EPB41L1: variants seen among roughly 807,000 people sequenced by gnomAD.
EPB41L1 encodes the protein band 4.1-like protein 1.
In EPB41L1, 29 loss-of-function variants were observed where a neutral mutation model predicts 97.8. That is an observed-to-expected ratio of 0.30 (90% CI 0.22 to 0.40). The LOEUF is 0.40. EPB41L1 is among the 10% of genes least tolerant of loss of function. The pLI is 1.00. For synonymous variants in EPB41L1, 383 were observed against 459.2 expected (o/e 0.83, Z 2.12); for missense variants, 812 against 1,162.3 (o/e 0.70, Z 4.38).
chr20:36,154,856 C>T lies in EPB41L1; in HGVS notation c.-55C>T. 4.0e-6 allele frequency: 4 copies of T among 1,009,152 alleles called. No individual in the cohort carries two copies. Among genetic ancestry groups the T allele is most frequent in the Non-Finnish European group, 4.7e-6 (4 of 844,444 alleles). 62.5% of individuals were successfully genotyped at this position (1,009,152 alleles called of 1,614,324 possible). A position where few individuals can be genotyped will look rare whatever the true frequency, so the allele number is the denominator to read the frequency against. ...CTGCCAGAGGAGCCGAGGGGGCCGCCCCTCGCCCAACCTGCCCGACATGGG... is the reference window on the plus strand; with the variant it reads ...CTGCCAGAGGAGCCGAGGGGGCCGCTCCTCGCCCAACCTGCCCGACATGGG... On this transcript the variant is annotated 5_prime_UTR_variant, in exon 1 of 22. Transcript: ENST00000338074. The surrounding 1 kb of genome is among the most constrained non-coding windows in gnomAD (Gnocchi z 5.5).
intron 2 of EPB41L1, among the ~76,000 whole-genome samples, chr20:36,136,561 C>T (rs2059423888): frequency 6.6e-6 from 1 of 151,444 alleles, no homozygotes; most frequent in African/African-American, 2.4e-5. Flanking sequence ...CTACCACCAT[C>T]TTCAGAACTT....
At chr20:36,137,500 C>T (rs541190128) in intron 2 of EPB41L1, among the ~76,000 whole-genome samples, 24 of 152,222 alleles carry the variant, frequency 1.6e-4, no homozygotes, top group Admixed American at 7.8e-4. Context: ...AGATTATAGG[C>T]ATGAGTCACC....
chr20:36,193,235 T>A (rs1397191142), intron 11 of EPB41L1, among the ~76,000 whole-genome samples: 2 of 152,172 alleles, frequency 1.3e-5, no homozygotes, highest in Non-Finnish European at 2.9e-5. Context: ...CTGTCCCAAC[T>A]CACCAAAAGG....
intron 1 of EPB41L1, among the ~76,000 whole-genome samples, chr20:36,159,753 T>G (rs1290589842): frequency 4.6e-5 from 7 of 152,242 alleles, no homozygotes; most frequent in Non-Finnish European, 8.8e-5. Context: ...AACCACTCAC[T>G]ATCTTCGAGG....
At chr20:36,110,347 G>T (rs2058350560) in intron 1 of EPB41L1, among the ~76,000 whole-genome samples, 1 of 152,176 alleles carries the variant, frequency 6.6e-6, no homozygotes, top group South Asian at 2.1e-4. Flanking sequence ...CACATAGCAA[G>T]TTGGTGGCCA....
At chr20:36,118,061 A>T (rs1332059596) in intron 2 of EPB41L1, among the ~76,000 whole-genome samples, 3 of 152,198 alleles carry the variant, frequency 2.0e-5, no homozygotes, top group African/African-American at 7.2e-5. Flanking sequence ...CTTGCTGCTG[A>T]GGGAATAGAC....
chr20:36,136,466 C>T (rs2059420578), intron 2 of EPB41L1, among the ~76,000 whole-genome samples: 1 of 151,428 alleles, frequency 6.6e-6, no homozygotes, highest in Non-Finnish European at 1.5e-5. Context: ...AGGTGTGAGT[C>T]ACCATGCCTG....
In EPB41L1 at chr20:36,182,357, G is replaced by A. The variant is rs754252200; in HGVS notation, c.566+10G>A. On this transcript the variant is annotated intron_variant, in intron 6 of 21. Transcript: ENST00000338074. ...CAGAAGACATCACAAGGTGAGGGCT[G>A]TGGAGGGAGAGACAGGTGTGCTGGC... is the stretch of plus-strand genomic sequence containing the variant. The A allele has an allele frequency of 6.2e-7, 1 of 1,613,928 alleles. No individual in the cohort carries two copies.
chr20:36,149,383 G>A (rs1366603555), intron 2 of EPB41L1, among the ~76,000 whole-genome samples: 1 of 152,242 alleles, frequency 6.6e-6, no homozygotes, highest in Admixed American at 6.5e-5. Flanking sequence ...ACTAGAATAA[G>A]GCTTAACGCA....
Position 36,154,767 on chromosome 20 carries a change from G to A in EPB41L1, c.-144G>A. The A allele has an allele frequency of 1.0e-6, 1 of 986,622 alleles. No individual in the cohort carries two copies. Among genetic ancestry groups the A allele is most frequent in the South Asian group, 4.5e-5 (1 of 22,154 alleles). 61.1% of individuals were successfully genotyped at this position (986,622 alleles called of 1,614,324 possible). A position where few individuals can be genotyped will look rare whatever the true frequency, so the allele number is the denominator to read the frequency against. On this transcript the variant is annotated 5_prime_UTR_variant, in exon 1 of 22. Transcript: ENST00000338074. The surrounding 1 kb of genome is among the most constrained non-coding windows in gnomAD (Gnocchi z 5.5). Reference sequence around the variant, plus strand: ...TCGGCATCCATCAGCGGGCGGGGGTGTCGCCGAACAGGCTGCTCCGCAGAG... The same window carrying A: ...TCGGCATCCATCAGCGGGCGGGGGTATCGCCGAACAGGCTGCTCCGCAGAG...
rs59767618 is a variant in EPB41L1 at position 36,096,029 on chromosome 20, G to GA, written c.-65+4431dup. Among the ~76,000 whole-genome samples the GA allele has an allele frequency of 5.3e-3, 723 of 137,630 alleles. 6 individuals are homozygous for GA. The highest frequency in any genetic ancestry group is 8.8e-3 in the South Asian group (38 of 4,338). The allele number at this position is 137,630 out of a possible 152,430, so 90.3% of individuals were successfully genotyped here. ...TGACAGAGCGAGACTCCATCTCAGGGAAAAAAAAAAAAAAGAAATGCAATT... is the reference window on the plus strand; with the variant it reads ...TGACAGAGCGAGACTCCATCTCAGGGAAAAAAAAAAAAAAAGAAATGCAATT... On this transcript the variant is annotated intron_variant, in intron 1 of 19. Transcript: ENST00000202028.
Position 36,194,219 on chromosome 20 carries a change from C to T in EPB41L1, c.1308C>T (p.Phe436=), listed in dbSNP as rs2062083453. The T allele has an allele frequency of 6.2e-7, 1 of 1,613,636 alleles. No homozygotes were observed. ...TMSRSLDGAE[F]SRPASVSENH... ...TATCTCCACCCACTTCAGCAGAGTT[C>T]TCCCGCCCAGCCTCGGTCAGCGAGA... is the stretch of plus-strand genomic sequence containing the variant. Residue 436 remains phenylalanine (F), a synonymous_variant, in exon 12 of 22, where the codon TTC becomes TTT. Coordinates refer to ENST00000338074, the MANE Select transcript of EPB41L1 (RefSeq NM_012156.2).
chr20:36,176,379 C>T (rs117171179), intron 3 of EPB41L1, among the ~76,000 whole-genome samples: 6 of 152,338 alleles, frequency 3.9e-5, no homozygotes, highest in East Asian at 3.9e-4. Context: ...TCTGAGCTCT[C>T]GCTCGCCCCC....
At position 36,212,861 on chromosome 20, in the gene EPB41L1, A is replaced by G. The variant is rs2063211949; in HGVS notation, c.2184+485A>G. On this transcript the variant is annotated intron_variant, in intron 16 of 21. Coordinates refer to ENST00000338074, the MANE Select transcript of EPB41L1 (RefSeq NM_012156.2). This position sits in a 1 kb window ranked among gnomAD's most constrained non-coding sequence, Gnocchi z 4.8. ...CCACATCAGATCAGTAAAATGAACA[A>G]AGTGAAAGAAGAAAACCGAAGATCA... is the stretch of plus-strand genomic sequence containing the variant. Among the ~76,000 whole-genome samples, 1 of 152,230 alleles carries G rather than the reference A, an allele frequency of 6.6e-6. No homozygotes were observed. Among genetic ancestry groups the G allele is most frequent in the South Asian group, 2.1e-4 (1 of 4,834 alleles).
At chr20:36,119,146 G>A (rs1054246816) in intron 2 of EPB41L1, among the ~76,000 whole-genome samples, 3 of 152,220 alleles carry the variant, frequency 2.0e-5, no homozygotes, top group African/African-American at 7.2e-5. Context: ...GCACTGACAT[G>A]ACTAATCACA....
intron 1 of EPB41L1, among the ~76,000 whole-genome samples, chr20:36,160,401 T>C (rs2060480317): frequency 6.6e-6 from 1 of 152,094 alleles, no homozygotes; most frequent in South Asian, 2.1e-4. Context: ...CTGGCCAACA[T>C]GGTGAAACCC....
intron 1 of EPB41L1, among the ~76,000 whole-genome samples, chr20:36,110,345 A>G (rs1490427370): frequency 6.6e-6 from 1 of 152,162 alleles, no homozygotes; most frequent in African/African-American, 2.4e-5. Context: ...ATCACATAGC[A>G]AGTTGGTGGC....
In EPB41L1 at chr20:36,232,651, C is replaced by T. The variant is rs778756169; in HGVS notation, c.*3311C>T. ...TCAAAAGCACCTTAACAACCAATTG[C>T]GATGCTGTCCTGTTCCTTTTTACTC... On this transcript the variant is annotated 3_prime_UTR_variant, in exon 22 of 22. Coordinates refer to ENST00000338074, the MANE Select transcript of EPB41L1 (RefSeq NM_012156.2). 12 of 398,822 alleles carry T rather than the reference C, an allele frequency of 3.0e-5. No individual in the cohort carries two copies. The highest frequency in any genetic ancestry group is 4.4e-5 in the Admixed American group (1 of 22,702). The allele number at this position is 398,822 out of a possible 1,614,324, so 24.7% of individuals were successfully genotyped here.
At chr20:36,228,120 G>A (rs987163988) in intron 21 of EPB41L1, among the ~76,000 whole-genome samples, 1 of 152,186 alleles carries the variant, frequency 6.6e-6, no homozygotes, top group Non-Finnish European at 1.5e-5. Context: ...GTTAGCACTC[G>A]ACTGCATGCA....
Sources: allele counts gnomAD v4.1 joint callset (sites outside exome capture counted in the v4.1 genomes callset), GRCh38; gene constraint gnomAD v4.1.1; non-coding constraint Gnocchi (gnomAD v3.1); transcripts MANE v1.5; gene names NCBI Gene and HGNC (gene_info 2026-07-23, HGNC 2026-07-21).